TFIP11: variants seen among roughly 807,000 people sequenced by gnomAD.
TFIP11 encodes tuftelin interacting protein 11.
In TFIP11, 86 loss-of-function variants were observed where a neutral mutation model predicts 96.8. The ratio of observed to expected loss-of-function variants is 0.89; its 90% CI spans 0.75 to 1.06. The LOEUF (loss-of-function observed/expected upper bound fraction) is 1.06, where lower values mean the gene tolerates loss of function less well. Ranked by LOEUF, TFIP11 falls within the 50% of genes least tolerant of loss-of-function variation. TFIP11 has a pLI of 0.00. For missense variants in TFIP11, 881 were observed against 1,076.7 expected, an observed-to-expected ratio of 0.82 and a Z score of 2.54; for synonymous variants, 405 against 395.2, an observed-to-expected ratio of 1.02 and a Z score of -0.29.
intron 10 of TFIP11, among the ~76,000 whole-genome samples, chr22:26,497,150 G>A (rs987874033): frequency 6.6e-6 from 1 of 152,114 alleles, no homozygotes; most frequent in Admixed American, 6.5e-5. Context: ...GGTCACAAGG[G>A]CCTCTTCCCA....
chr22:26,499,331 G>T lies in TFIP11; in HGVS notation c.1102C>A (p.Arg368=). 1 of 1,614,130 alleles carries T rather than the reference G, an allele frequency of 6.2e-7. No homozygotes were observed. The highest frequency in any genetic ancestry group is 8.5e-7 in the Non-Finnish European group (1 of 1,180,028). ...ACCTTGCTGAGGTTCGAGATGACCCGCTCCTCGTGGTCCAGGACCTCGGTC... is the reference window on the plus strand; with the variant it reads ...ACCTTGCTGAGGTTCGAGATGACCCTCTCCTCGTGGTCCAGGACCTCGGTC... ...KMTEVLDHEE[R]VISNLSKVLE... The change falls in exon 9 of 15, where the codon CGG becomes AGG. Residue 368 remains arginine, a synonymous_variant. Transcript: ENST00000407690.
rs1437654303 is a variant in TFIP11 at position 26,502,046 on chromosome 22, G to C, written c.655C>G (p.Gln219Glu). The part of the protein sequence containing the change: ...DSEEEAEEEF[Q>E]KELSQWRKDP... Reference sequence around the variant, plus strand: ...TTCCTCCACTGGCTCAGCTCCTTCTGAAACTCCTGAACCAGAAGAATACAG... The same window carrying C: ...TTCCTCCACTGGCTCAGCTCCTTCTCAAACTCCTGAACCAGAAGAATACAG... Residue 219 changes from glutamine (Q) to glutamate (E), a missense_variant, in exon 8 of 15, where the codon CAG becomes GAG. Gln to Glu is a conservative substitution (Grantham distance 29, BLOSUM62 2). Transcript: ENST00000407690. 6 of 1,613,880 alleles carry C rather than the reference G, an allele frequency of 3.7e-6. No individual in the cohort carries two copies. The highest frequency in any genetic ancestry group is 5.1e-6 in the Non-Finnish European group (6 of 1,180,020).
At chr22:26,505,058 CAA>C (rs1923236889) in intron 6 of TFIP11, among the ~76,000 whole-genome samples, 1 of 151,994 alleles carries the variant, frequency 6.6e-6, no homozygotes, top group African/African-American at 2.4e-5. Context: ...GTCTGGGTGA[CAA>C]GAGTGAAATT....
intron 6 of TFIP11, among the ~76,000 whole-genome samples, chr22:26,505,603 CAACT>C (rs374440831): frequency 2.0e-5 from 3 of 152,112 alleles, no homozygotes; most frequent in Non-Finnish European, 2.9e-5. Flanking sequence ...TCACTTGCCT[CAACT>C]AACTACTGCC....
Position 26,496,156 on chromosome 22 carries a change from T to C in TFIP11, c.1766A>G (p.Lys589Arg), listed in dbSNP as rs767142439. Reference sequence around the variant, plus strand: ...ATCCTTCCAGGGCTGGAGGATGAGCTTGGCAGAGGAGTCGCTGGGGTGCCA... The same window carrying C: ...ATCCTTCCAGGGCTGGAGGATGAGCCTGGCAGAGGAGTCGCTGGGGTGCCA... ...QKWHPSDSSA[K>R]LILQPWKDVF... Residue 589 changes from lysine to arginine, a missense_variant, in exon 12 of 15, where the codon AAG (lysine) becomes AGG (arginine). By Grantham distance (26) the Lys-to-Arg change is conservative (BLOSUM62 2). Transcript: ENST00000407690. The C allele has an allele frequency of 8.9e-5, 143 of 1,613,794 alleles. No homozygotes were observed. Among genetic ancestry groups the C allele is most frequent in the Non-Finnish European group, 1.2e-4 (138 of 1,180,006 alleles).
chr22:26,495,020 G>A (rs1202899942), intron 12 of TFIP11, 81 bp from the exon 13 acceptor site: 65 of 1,575,762 alleles, frequency 4.1e-5, no homozygotes, highest in Non-Finnish European at 5.1e-5. Context: ...GACAATGTCC[G>A]TTTTCATCTC....
chr22:26,499,738 T>A (rs1602210378), intron 8 of TFIP11, 107 bp from the exon 9 acceptor site: 1 of 1,186,172 alleles, frequency 8.4e-7, no homozygotes, highest in East Asian at 2.4e-5. Flanking sequence ...AGAAACCACA[T>A]TATTCAACAG....
At chr22:26,511,372 C>A (rs559543944) in intron 2 of TFIP11, 1 of 152,164 alleles carries the variant, frequency 6.6e-6, no homozygotes, top group African/African-American at 2.4e-5. Flanking sequence ...CCTTTCCCCA[C>A]CCACAGACTC....
intron 14 of TFIP11, chr22:26,493,772 G>A (rs539052539): frequency 2.7e-5 from 6 of 218,732 alleles, no homozygotes; most frequent in African/African-American, 9.2e-5. Context: ...GTCAGACCGC[G>A]TGCCAAACTC....
intron 4 of TFIP11, among the ~76,000 whole-genome samples, chr22:26,509,322 A>G (rs533801370): frequency 6.6e-6 from 1 of 152,090 alleles, no homozygotes; most frequent in Admixed American, 6.5e-5. Context: ...CAGTCATATC[A>G]GCTTAAGGGT....
rs748346303 is a variant in TFIP11, at chr22:26,499,232, C to T, written c.1201G>A (p.Ala401Thr). ...TCCTGCAGGGTTTCGAAGATGCGGG[C>T]ACACTCGTCCAGGGTGAGGGGGTTG... ...CSNPLTLDEC[A>T]RIFETLQDKY... Residue 401 changes from alanine to threonine, a missense_variant, in exon 9 of 15, where the codon GCC (alanine) becomes ACC (threonine). Coordinates refer to ENST00000407690, the MANE Select transcript of TFIP11 (RefSeq NM_012143.4). 3 of 1,613,998 alleles carry T rather than the reference C, an allele frequency of 1.9e-6. 1 individual carries two copies. The highest frequency in any genetic ancestry group is 2.2e-5 in the South Asian group (2 of 91,022).
Position 26,496,183 on chromosome 22 carries a change from T to G in TFIP11, c.1739A>C (p.Lys580Thr). 1 of 1,613,942 alleles carries G rather than the reference T, an allele frequency of 6.2e-7. No individual in the cohort carries two copies. Among genetic ancestry groups the G allele is most frequent in the South Asian group, 1.1e-5 (1 of 91,064 alleles). Reference sequence around the variant, plus strand: ...GGCAGAGGAGTCGCTGGGGTGCCACTTCTGCAGGGCGCTGGACAGCTTACT... The same window carrying G: ...GGCAGAGGAGTCGCTGGGGTGCCACGTCTGCAGGGCGCTGGACAGCTTACT... ...IRSKLSSALQ[K>T]WHPSDSSAKL... Residue 580 changes from lysine to threonine, a missense_variant, in exon 12 of 15, where the codon AAG (lysine) becomes ACG (threonine). Coordinates refer to ENST00000407690, the MANE Select transcript of TFIP11 (RefSeq NM_012143.4).
chr22:26,506,416 G>C lies in TFIP11; in HGVS notation c.407C>G (p.Thr136Ser). Residue 136 changes from threonine (T) to serine (S), a missense_variant, in exon 6 of 15, where the codon ACC becomes AGC. Coordinates refer to ENST00000407690, the MANE Select transcript of TFIP11 (RefSeq NM_012143.4). ...KPSQKGFAGGTKSFMDFGSWE... is the reference protein window; with the variant it reads ...KPSQKGFAGGSKSFMDFGSWE... ...GCTGCCGAAGTCCATGAAAGATTTG[G>C]TTCCTCCTGCAAAACCTTTCTGGCT... 1.9e-6 allele frequency: 3 copies of C among 1,613,964 alleles called. No homozygotes were observed. The highest frequency in any genetic ancestry group is 2.5e-6 in the Non-Finnish European group (3 of 1,179,974).
intron 8 of TFIP11, 76 bp from the exon 9 acceptor site, chr22:26,499,707 C>G: frequency 6.9e-7 from 1 of 1,453,580 alleles, no homozygotes; most frequent in South Asian, 1.3e-5. Flanking sequence ...AGGGGAAGGC[C>G]CCATGACAGG....
rs1313885713 is a variant in TFIP11, at chr22:26,496,913, G to C, written c.1437-24C>G. ...ACCTATGGGAGAAAGGCAGAGGACA[G>C]GCTGGTTAATTACACTGACTGGTTT... On this transcript the variant is annotated intron_variant, in intron 10 of 14. Transcript: ENST00000407690. 1.9e-6 allele frequency: 3 copies of C among 1,612,158 alleles called. No homozygotes were observed. In the African/African-American group the frequency reaches 4.0e-5, roughly 22 times the overall value.
intron 12 of TFIP11, 145 bp from the exon 13 acceptor site, chr22:26,495,084 C>T: frequency 9.2e-7 from 1 of 1,083,356 alleles, no homozygotes; most frequent in Non-Finnish European, 1.3e-6. Flanking sequence ...GCCTCAGCCT[C>T]CCGAGTAGCT....
chr22:26,498,541 CAAAAAAAAAAAA>C (rs10716815), intron 10 of TFIP11, among the ~76,000 whole-genome samples: 1 of 83,586 alleles, frequency 1.2e-5, no homozygotes, highest in East Asian at 3.3e-4. Flanking sequence ...GACTCCATCT[CAAAAAAAAAAAA>C]AAAAAAAAGA....
At position 26,499,534 on chromosome 22, in the gene TFIP11, G is replaced by A; in HGVS notation, c.899C>T (p.Ser300Phe). ...NVPDDGLPLQSQQLPQSGKEA... is the reference protein window; with the variant it reads ...NVPDDGLPLQFQQLPQSGKEA... ...TTTGCCAGACTGTGGCAGCTGTTGG[G>A]ACTGTAGCGGCAGCCCATCATCGGG... The change falls in exon 9 of 15, where the codon TCC becomes TTC. Residue 300 changes from serine (S) to phenylalanine (F), a missense_variant. Physicochemically the swap from Ser to Phe is radical, Grantham distance 155 (BLOSUM62 -2). Coordinates refer to ENST00000407690, the MANE Select transcript of TFIP11 (RefSeq NM_012143.4). 1 of 1,614,208 alleles carries A rather than the reference G, an allele frequency of 6.2e-7. No individual in the cohort carries two copies. The highest frequency in any genetic ancestry group is 8.5e-7 in the Non-Finnish European group (1 of 1,180,050).
intron 4 of TFIP11, among the ~76,000 whole-genome samples, chr22:26,508,064 C>T (rs1177916722): frequency 3.3e-5 from 5 of 152,098 alleles, no homozygotes; most frequent in Admixed American, 6.5e-5. Context: ...GCTAAGGTCA[C>T]GCCACTGCAC....
Sources: gnomAD v4.1 joint callset for allele counts (sites outside exome capture counted in the v4.1 genomes callset) on GRCh38, gnomAD v4.1.1 for gene constraint, MANE v1.5 for transcripts, NCBI Gene and HGNC (gene_info 2026-07-23, HGNC 2026-07-21) for gene names.